ARSG: variants seen among roughly 807,000 people sequenced by gnomAD.
ARSG encodes arylsulfatase G, also known as ASG.
In ARSG, 37 loss-of-function variants were observed where a neutral mutation model predicts 50.5. The ratio of observed to expected loss-of-function variants is 0.73; its 90% CI spans 0.56 to 0.96. The LOEUF is 0.96. Among genes scored for constraint, ARSG ranks in the 50% least tolerant of loss-of-function variants. The pLI is 0.00. For missense variants in ARSG, 629 were observed against 675.3 expected (o/e 0.93, Z 0.76); for synonymous variants, 225 against 254.6 (o/e 0.88, Z 1.11).
At chr17:68,451,420 A>C in the ARSG span, among the ~76,000 whole-genome samples, 1 of 152,200 alleles carries the variant, frequency 6.6e-6, no homozygotes, top group Non-Finnish European at 1.5e-5. Flanking sequence ...GGCGACAAGC[A>C]AGACTCCGTC....
At chr17:68,333,988 G>A (rs2077902692) in intron 2 of ARSG, among the ~76,000 whole-genome samples, 1 of 152,166 alleles carries the variant, frequency 6.6e-6, no homozygotes, top group Non-Finnish European at 1.5e-5. Flanking sequence ...AGGGAAGAAA[G>A]CCTGCAGTGT....
chr17:68,271,534 G>A lies in ARSG; in HGVS notation c.-552+12108G>A, dbSNP rs1333529411. ...TTCCTGGATGACTATTTTCGGTGAC[G>A]CTGGTCCTCTGATAAAGATGGGTCT... On this transcript the variant is annotated intron_variant, in intron 1 of 11. Coordinates refer to the ARSG transcript ENST00000448504. This position sits in a 1 kb window ranked among gnomAD's most constrained non-coding sequence, Gnocchi z 5.3. The A allele has an allele frequency of 3.2e-5, 51 of 1,614,046 alleles. No homozygotes were observed. The highest frequency in any genetic ancestry group is 3.9e-5 in the Non-Finnish European group (46 of 1,180,038).
chr17:68,310,615 T>G (rs1002432218), intron 2 of ARSG, among the ~76,000 whole-genome samples: 3 of 152,222 alleles, frequency 2.0e-5, no homozygotes, highest in Non-Finnish European at 2.9e-5. Context: ...GGATTCTGTC[T>G]GCACTGGGCG....
rs575467533 is a variant in ARSG at position 68,358,760 on chromosome 17, G to A, written c.704+1956G>A. 3.8e-4 allele frequency among the ~76,000 whole-genome samples: 58 copies of A among 152,150 alleles called. 1 individual carries two copies. Among genetic ancestry groups the A allele is most frequent in the Middle Eastern group, 3.4e-3 (1 of 294 alleles). ...GTGAATCTGTAGTGCCAGCTAACTC[G>A]GGTGGCTGAACTGGGAGAATCACTT... On this transcript the variant is annotated intron_variant, in intron 6 of 11. Transcript: ENST00000621439.
At chr17:68,269,836 G>T (rs12944412) in intron 1 of ARSG, among the ~76,000 whole-genome samples, 44,380 of 151,732 alleles carry the variant, frequency 0.29, 6,951 homozygotes, top group East Asian at 0.5. Context: ...ACCATGCCCA[G>T]CTACTTTTGT....
Position 68,399,517 on chromosome 17 carries a change from T to C in ARSG, c.1213-1843T>C, listed in dbSNP as rs1600096527. ...CATCTGGAGAGCTGTGATTCATGTG[T>C]ACTTTTGACAGCTTCCTTCCTATAT... is the stretch of plus-strand genomic sequence containing the variant. On this transcript the variant is annotated intron_variant, in intron 10 of 11. Coordinates refer to ENST00000621439, the MANE Select transcript of ARSG (RefSeq NM_001267727.2). This position sits in a 1 kb window ranked among gnomAD's most constrained non-coding sequence, Gnocchi z 4.6. Among the ~76,000 whole-genome samples, 1 of 152,362 alleles carries C rather than the reference T, an allele frequency of 6.6e-6. No homozygotes were observed. Among genetic ancestry groups the C allele is most frequent in the Admixed American group, 6.5e-5 (1 of 15,308 alleles).
chr17:68,289,561 G>C (rs192526836), upstream of ARSG, among the ~76,000 whole-genome samples: 463 of 152,314 alleles, frequency 3.0e-3, 5 homozygotes, highest in African/African-American at 0.01. Context: ...GCGTAGCCCG[G>C]AGAACAGCTT....
the ARSG span, among the ~76,000 whole-genome samples, chr17:68,436,222 G>C: frequency 6.6e-6 from 1 of 152,190 alleles, no homozygotes; most frequent in African/African-American, 2.4e-5. Flanking sequence ...CTCACAGCAA[G>C]CCCGAGGGGA....
At chr17:68,303,050 G>A (rs1555762499) in intron 1 of ARSG, among the ~76,000 whole-genome samples, 3 of 152,220 alleles carry the variant, frequency 2.0e-5, no homozygotes, top group Non-Finnish European at 4.4e-5. Context: ...AGGGTAGCAA[G>A]TAAGGCCATT....
rs75022119 is a variant in ARSG, at chr17:68,319,831, C to T, written c.218+12120C>T. 2.5e-3 allele frequency among the ~76,000 whole-genome samples: 387 copies of T among 152,322 alleles called. 4 individuals carry two copies. The East Asian group carries it at 0.03, about 12-fold the overall frequency. ...GGAGACTCCTGCCATATCTCCTACT[C>T]CTTTTGCTTTTATAACCTGAGGTAG... On this transcript the variant is annotated intron_variant, in intron 2 of 11. Transcript: ENST00000621439.
intron 5 of ARSG, among the ~76,000 whole-genome samples, chr17:68,352,915 A>G (rs1476483934): frequency 6.6e-6 from 1 of 152,174 alleles, no homozygotes; most frequent in African/African-American, 2.4e-5. Context: ...AGCCTCACTC[A>G]GGTAATAAAG....
At chr17:68,366,650 A>G (rs1751783437) in intron 6 of ARSG, among the ~76,000 whole-genome samples, 1 of 151,122 alleles carries the variant, frequency 6.6e-6, no homozygotes, top group Non-Finnish European at 1.5e-5. Flanking sequence ...GCTGCTGAGC[A>G]TTTGAAATGT....
the ARSG span, among the ~76,000 whole-genome samples, chr17:68,429,586 C>G: frequency 6.6e-6 from 1 of 151,994 alleles, no homozygotes; most frequent in African/African-American, 2.4e-5. Flanking sequence ...TCCTTTGGGG[C>G]AAGTTTTCTT....
chr17:68,271,616 T>C lies in ARSG; in HGVS notation c.-552+12190T>C, dbSNP rs1274150781. The stretch of plus-strand genomic sequence containing the variant: ...TGTAGTAGGCCCACGAAGAGGAGGC[T>C]GTATCTCCAGCCAATGCGCTCCTTC... On this transcript the variant is annotated intron_variant, in intron 1 of 11. Coordinates refer to the ARSG transcript ENST00000448504. The surrounding 1 kb of genome is among the most constrained non-coding windows in gnomAD (Gnocchi z 5.3). 4 of 1,613,714 alleles carry C rather than the reference T, an allele frequency of 2.5e-6. No individual in the cohort carries two copies. The African/African-American group carries it at 5.3e-5, about 22-fold the overall frequency.
chr17:68,447,367 CT>C, the ARSG span, among the ~76,000 whole-genome samples: 1 of 150,756 alleles, frequency 6.6e-6, no homozygotes, highest in Non-Finnish European at 1.5e-5. Flanking sequence ...AAGTGTTCTT[CT>C]TTTTTAAATT....
chr17:68,348,732 A>T (rs1317442836), intron 4 of ARSG, among the ~76,000 whole-genome samples: 3 of 152,038 alleles, frequency 2.0e-5, no homozygotes, highest in Non-Finnish European at 4.4e-5. Context: ...TAATCTTTTG[A>T]TTAAAAGCTT....
intron 4 of ARSG, among the ~76,000 whole-genome samples, chr17:68,351,181 A>AT (rs78426511): frequency 7.1e-5 from 10 of 141,494 alleles, no homozygotes; most frequent in East Asian, 2.1e-4. Context: ...ATTTTTTATA[A>AT]TTTTTTTTTT....
At chr17:68,267,948 A>G (rs2075207519) in intron 1 of ARSG, 1 of 152,234 alleles carries the variant, frequency 6.6e-6, no homozygotes, top group African/African-American at 2.4e-5. Context: ...TTTAAATCAG[A>G]AATGCTTTAA....
chr17:68,315,011 C>A (rs1054889580), intron 2 of ARSG, among the ~76,000 whole-genome samples: 1 of 152,206 alleles, frequency 6.6e-6, no homozygotes, highest in African/African-American at 2.4e-5. Flanking sequence ...CAAGCTCTTG[C>A]AAGGTGCCAG....
Sources: gnomAD v4.1 joint callset for allele counts (sites outside exome capture counted in the v4.1 genomes callset) on GRCh38, gnomAD v4.1.1 for gene constraint, Gnocchi (gnomAD v3.1) non-coding constraint, MANE v1.5 for transcripts, NCBI Gene and HGNC (gene_info 2026-07-23, HGNC 2026-07-21) for gene names.